LCE4A: variants seen among roughly 807,000 people sequenced by gnomAD.
LCE4A encodes late cornified envelope 4A, also known as late cornified envelope protein 4A.
For missense variants in LCE4A, 110 were observed against 111.3 expected (o/e 0.99, Z 0.05); for synonymous variants, 41 against 42.3 (o/e 0.97, Z 0.12).
rs1374523450 is a variant in LCE4A, at chr1:152,709,270, C to T, written c.195C>T (p.His65=). ...GCTGCTGCCTGAGCCACCACAGACA[C>T]CATAGGTCCCACTGCCACAGACCCA... The part of the protein sequence containing the change: ...GGGCCLSHHR[H]HRSHCHRPKS... Residue 65 remains histidine, a synonymous_variant, in exon 2 of 2, where the codon CAC becomes CAT. Coordinates refer to ENST00000368777, the MANE Select transcript of LCE4A (RefSeq NM_001387222.1). The T allele has an allele frequency of 1.9e-6, 3 of 1,614,194 alleles. No homozygotes were observed. The highest frequency in any genetic ancestry group is 1.3e-5 in the African/African-American group (1 of 75,042).
rs1018156131 is a variant in LCE4A, at chr1:152,708,182, G to A, written c.-234G>A. On this transcript the variant is annotated 5_prime_UTR_variant, in exon 1 of 2. Coordinates refer to ENST00000368777, the MANE Select transcript of LCE4A (RefSeq NM_001387222.1). ...TAGTGCCGAAGAGGCTATCTGGGAA[G>A]CTCATCATCCAGCTCAGGAAGAGAT... 6.6e-5 allele frequency: 10 copies of A among 152,344 alleles called. No homozygotes were observed. Among genetic ancestry groups the A allele is most frequent in the Non-Finnish European group, 1.2e-4 (8 of 68,154 alleles). The allele number at this position is 152,344 out of a possible 1,614,324, so 9.4% of individuals were successfully genotyped here.
At position 152,708,399 on chromosome 1, in the gene LCE4A, G is replaced by A. The variant is rs1010946792; in HGVS notation, c.-22+5G>A. On this transcript the variant is annotated splice_donor_5th_base_variant and intron_variant, in intron 1 of 1. Coordinates refer to ENST00000368777, the MANE Select transcript of LCE4A (RefSeq NM_001387222.1). ...GTTGCTGCGTCTGAACCCACGGTGA[G>A]TGTTTCTATAGGAATCCAGAGGGGG... The A allele has an allele frequency of 3.3e-5, 5 of 152,436 alleles. No homozygotes were observed. The highest frequency in any genetic ancestry group is 1.2e-4 in the African/African-American group (5 of 41,474). The allele number at this position is 152,436 out of a possible 1,614,324, so 9.4% of individuals were successfully genotyped here. A position where few individuals can be genotyped will look rare whatever the true frequency, so the allele number is the denominator to read the frequency against.
rs775189832 is a variant in LCE4A, at chr1:152,709,149, G to A, written c.74G>A (p.Cys25Tyr). 1 of 1,613,780 alleles carries A rather than the reference G, an allele frequency of 6.2e-7. No individual in the cohort carries two copies. Among genetic ancestry groups the A allele is most frequent in the South Asian group, 1.1e-5 (1 of 91,030 alleles). ...KCPIPKYPPKCPSKCASSCPP... is the reference protein window; with the variant it reads ...KCPIPKYPPKYPSKCASSCPP... ...CCTATCCCCAAGTATCCCCCAAAAT[G>A]TCCCTCAAAGTGTGCATCCTCATGC... Residue 25 changes from cysteine to tyrosine, a missense_variant, in exon 2 of 2, where the codon TGT becomes TAT. By Grantham distance (194) the Cys-to-Tyr change is radical. Transcript: ENST00000368777.
intron 1 of LCE4A, 45 bp from the exon 2 acceptor site, chr1:152,709,010 C>G: frequency 8.1e-7 from 1 of 1,239,194 alleles, no homozygotes; most frequent in Non-Finnish European, 1.1e-6. Flanking sequence ...AATGTAATGG[C>G]TCTTGATATT....
In LCE4A at chr1:152,709,079, T is replaced by A; in HGVS notation, c.4T>A (p.Ser2Thr). The change falls in exon 2 of 2, where the codon TCC (serine) becomes ACC (threonine). Residue 2 changes from serine to threonine, a missense_variant. Coordinates refer to ENST00000368777, the MANE Select transcript of LCE4A (RefSeq NM_001387222.1). M[S>T]CQQNQQQCQP... ...GGTTTATCGAAATCCCACCAAGATG[T>A]CCTGCCAGCAGAACCAACAGCAGTG... 6.2e-7 allele frequency: 1 copy of A among 1,612,100 alleles called. No individual in the cohort carries two copies. Among genetic ancestry groups the A allele is most frequent in the Non-Finnish European group, 8.5e-7 (1 of 1,178,870 alleles).
At position 152,708,313 on chromosome 1, in the gene LCE4A, C is replaced by T. The variant is rs1470205524; in HGVS notation, c.-103C>T. ...TCATCCGAGGCCCAGCCCCAGGATC[C>T]ATACAAAGTGTGTTCCTGCTGCTGG... is the stretch of plus-strand genomic sequence containing the variant. On this transcript the variant is annotated 5_prime_UTR_variant, in exon 1 of 2. Transcript: ENST00000368777. 1 of 152,392 alleles carries T rather than the reference C, an allele frequency of 6.6e-6. No individual in the cohort carries two copies. The highest frequency in any genetic ancestry group is 1.5e-5 in the Non-Finnish European group (1 of 68,178). The allele number at this position is 152,392 out of a possible 1,614,324, so 9.4% of individuals were successfully genotyped here. A position where few individuals can be genotyped will look rare whatever the true frequency, so the allele number is the denominator to read the frequency against.
At position 152,709,204 on chromosome 1, in the gene LCE4A, C is replaced by CGGCTCTGGGGGCTGCTGT; in HGVS notation, c.129_130insGGCTCTGGGGGCTGCTGT (p.Ser43_Ser44insGlySerGlyGlyCysCys). 4 of 1,602,992 alleles carry CGGCTCTGGGGGCTGCTGT rather than the reference C, an allele frequency of 2.5e-6. No individual in the cohort carries two copies. The highest frequency in any genetic ancestry group is 2.2e-5 in the South Asian group (2 of 90,208). Reference sequence around the variant, plus strand: ...CTCCAATCTCTTCCTGCTGTGGCTCCAGCTCTGGGGGCTGTGGTTGCTGCA... The same window carrying CGGCTCTGGGGGCTGCTGT: ...CTCCAATCTCTTCCTGCTGTGGCTCCGGCTCTGGGGGCTGCTGTAGCTCTGGGGGCTGTGGTTGCTGCA... On this transcript the variant is annotated inframe_insertion, in exon 2 of 2. Coordinates refer to ENST00000368777, the MANE Select transcript of LCE4A (RefSeq NM_001387222.1).
Sources: allele counts gnomAD v4.1 joint callset, GRCh38; gene constraint gnomAD v4.1.1; transcripts MANE v1.5; gene names NCBI Gene and HGNC (gene_info 2026-07-23, HGNC 2026-07-21).